CTNNA3: variants seen among roughly 807,000 people sequenced by gnomAD.
CTNNA3 encodes catenin alpha-3.
CTNNA3 carries 76 observed loss-of-function variants against 95.7 expected under a neutral mutation model. That is an observed-to-expected ratio of 0.79 (90% CI 0.66 to 0.96). The LOEUF (loss-of-function observed/expected upper bound fraction) is 0.96, where lower values mean the gene tolerates loss of function less well. Among genes scored for constraint, CTNNA3 ranks in the 40% least tolerant of loss-of-function variants. The probability of loss-of-function intolerance (pLI) is 0.00; values close to 1 mark genes in which losing one functional copy is unlikely to be tolerated. For synonymous variants in CTNNA3, 431 were observed against 374.4 expected (o/e 1.15, Z -1.74); for missense variants, 1,191 against 1,089.8 (o/e 1.09, Z -1.31).
chr10:67,688,880 G>A (rs1021917396), intron 1 of CTNNA3, among the ~76,000 whole-genome samples: 1 of 152,164 alleles, frequency 6.6e-6, no homozygotes, highest in Non-Finnish European at 1.5e-5. Flanking sequence ...CTGCTGATCA[G>A]AATAGTTGTG....
At chr10:66,163,571 G>A (rs577082386) in intron 13 of CTNNA3, among the ~76,000 whole-genome samples, 47 of 152,186 alleles carry the variant, frequency 3.1e-4, no homozygotes, top group African/African-American at 9.4e-4. Flanking sequence ...TGTCTCCCAC[G>A]TTTTGCAGGA....
At chr10:67,743,431 G>A (rs1841354634) in intron 1 of CTNNA3, among the ~76,000 whole-genome samples, 1 of 151,154 alleles carries the variant, frequency 6.6e-6, no homozygotes, top group African/African-American at 2.4e-5. Flanking sequence ...TGCAGAAAAG[G>A]CCTTTGACAA....
chr10:67,277,633 C>G (rs1335943766), intron 5 of CTNNA3, among the ~76,000 whole-genome samples: 1 of 152,068 alleles, frequency 6.6e-6, no homozygotes, highest in Non-Finnish European at 1.5e-5. Flanking sequence ...AGATACAGGT[C>G]ACAAAGACTT....
rs138975459 is a variant in CTNNA3, at chr10:66,662,933, T to C, written c.1282-41149A>G. The stretch of plus-strand genomic sequence containing the variant: ...ATCCTGCTTAAAATGTTTACCTACT[T>C]ACTACTTTCAATTCATTCTATGGTC... On this transcript the variant is annotated intron_variant, in intron 9 of 17. Coordinates refer to ENST00000433211, the MANE Select transcript of CTNNA3 (RefSeq NM_013266.4). Among the ~76,000 whole-genome samples the C allele has an allele frequency of 3.2e-4, 49 of 152,218 alleles. 1 individual carries two copies. In the East Asian group the frequency reaches 9.1e-3, roughly 28 times the overall value.
At chr10:66,145,783 A>G (rs540792552) in intron 13 of CTNNA3, among the ~76,000 whole-genome samples, 3 of 152,232 alleles carry the variant, frequency 2.0e-5, no homozygotes, top group East Asian at 3.9e-4. Flanking sequence ...TTATTCATAG[A>G]TACACATAGA....
chr10:67,415,725 T>C (rs895951085), intron 5 of CTNNA3, among the ~76,000 whole-genome samples: 24 of 152,046 alleles, frequency 1.6e-4, no homozygotes, highest in African/African-American at 4.6e-4. Context: ...ACAGAGACAT[T>C]ACACTACCCA....
chr10:66,497,022 T>C (rs1475556617), intron 11 of CTNNA3, among the ~76,000 whole-genome samples: 1 of 152,222 alleles, frequency 6.6e-6, no homozygotes, highest in East Asian at 1.9e-4. Flanking sequence ...TTCCCTCTTC[T>C]TGCAAGGACA....
intron 2 of CTNNA3, among the ~76,000 whole-genome samples, chr10:67,629,512 GAA>G (rs1839069264): frequency 6.6e-6 from 1 of 152,206 alleles, no homozygotes; most frequent in Non-Finnish European, 1.5e-5. Flanking sequence ...ATGCAGGAAT[GAA>G]CAGAAGAGAA....
At chr10:66,749,645 C>T (rs1839052681) in intron 9 of CTNNA3, among the ~76,000 whole-genome samples, 1 of 152,102 alleles carries the variant, frequency 6.6e-6, no homozygotes, top group African/African-American at 2.4e-5. Flanking sequence ...CATGTTTTGG[C>T]AATTATGAAT....
At chr10:66,552,272 G>A (rs1049566005) in intron 10 of CTNNA3, among the ~76,000 whole-genome samples, 2 of 152,070 alleles carry the variant, frequency 1.3e-5, no homozygotes, top group Admixed American at 1.3e-4. Flanking sequence ...GCCTTCTGGA[G>A]CTTTTCTTTT....
At chr10:66,427,474 G>T (rs1564952183) in intron 11 of CTNNA3, among the ~76,000 whole-genome samples, 1 of 152,074 alleles carries the variant, frequency 6.6e-6, no homozygotes, top group South Asian at 2.1e-4. Context: ...AAACTATACA[G>T]TAGGCACTGA....
At chr10:67,031,625 T>C (rs770215064) in intron 7 of CTNNA3, among the ~76,000 whole-genome samples, 1 of 152,162 alleles carries the variant, frequency 6.6e-6, no homozygotes, top group Non-Finnish European at 1.5e-5. Context: ...AACTTAAGTG[T>C]TGGAGGTTTG....
At chr10:67,207,768 T>C (rs1438076224) in intron 6 of CTNNA3, among the ~76,000 whole-genome samples, 1 of 152,180 alleles carries the variant, frequency 6.6e-6, no homozygotes, top group Non-Finnish European at 1.5e-5. Context: ...CTGAAAAATA[T>C]ACAGCAGCTA....
intron 14 of CTNNA3, among the ~76,000 whole-genome samples, chr10:66,100,386 T>C (rs1032558651): frequency 3.9e-4 from 59 of 152,152 alleles, no homozygotes; most frequent in Admixed American, 2.6e-4. Context: ...GGAGCCCCAA[T>C]GCAGGAAGTG....
At chr10:66,958,055 A>C (rs1736828485) in intron 7 of CTNNA3, among the ~76,000 whole-genome samples, 1 of 152,058 alleles carries the variant, frequency 6.6e-6, no homozygotes. Context: ...TTGAACACAC[A>C]AACTATGCAA....
In CTNNA3 at chr10:67,366,937, T is replaced by A. The variant is rs1333109364; in HGVS notation, c.580-147067A>T. The stretch of plus-strand genomic sequence containing the variant: ...TTAGGTTAAAAATTTTCAAAAAGTT[T>A]AAAAAAAAAGGTGGATTGCAGACTT... On this transcript the variant is annotated intron_variant, in intron 5 of 17. Coordinates refer to ENST00000433211, the MANE Select transcript of CTNNA3 (RefSeq NM_013266.4). Among the ~76,000 whole-genome samples the A allele has an allele frequency of 5.3e-5, 8 of 150,720 alleles. No homozygotes were observed. In the South Asian group the frequency reaches 1.3e-3, roughly 24 times the overall value.
At chr10:67,110,316 C>T (rs1192882940) in intron 7 of CTNNA3, among the ~76,000 whole-genome samples, 2 of 151,774 alleles carry the variant, frequency 1.3e-5, no homozygotes, top group Non-Finnish European at 2.9e-5. Flanking sequence ...TTCTGTATTC[C>T]AATTAAGAGG....
chr10:66,508,255 C>A (rs1427503641), intron 11 of CTNNA3, among the ~76,000 whole-genome samples: 1 of 128,390 alleles, frequency 7.8e-6, no homozygotes, highest in Non-Finnish European at 1.7e-5. Flanking sequence ...GAGTCTAAGA[C>A]TTCAGGGCTG....
At chr10:67,260,976 C>T (rs73264278) in intron 5 of CTNNA3, among the ~76,000 whole-genome samples, 33 of 152,256 alleles carry the variant, frequency 2.2e-4, no homozygotes, top group African/African-American at 7.0e-4. Context: ...TGAGCCACCA[C>T]GCCCAGCGAC....
Sources: allele counts gnomAD v4.1 joint callset (sites outside exome capture counted in the v4.1 genomes callset), GRCh38; gene constraint gnomAD v4.1.1; transcripts MANE v1.5; gene names NCBI Gene and HGNC (gene_info 2026-07-23, HGNC 2026-07-21).